Variants in PCDHGA11 observed in about 807,000 individuals in gnomAD.
The protein encoded by PCDHGA11 is protocadherin gamma-A11.
In PCDHGA11, 39 loss-of-function variants were observed where a neutral mutation model predicts 60.4. That is an observed-to-expected ratio of 0.65 (90% CI 0.50 to 0.84). The LOEUF is 0.84. Ranked by LOEUF, PCDHGA11 falls within the 40% of genes least tolerant of loss-of-function variation. The pLI, the probability that PCDHGA11 is intolerant of heterozygous loss-of-function variation, is 0.00. For synonymous variants in PCDHGA11, 533 were observed against 510.3 expected, an observed-to-expected ratio of 1.04 and a Z score of -0.60; for missense variants, 1,165 against 1,197.7, an observed-to-expected ratio of 0.97 and a Z score of 0.40.
chr5:141,430,949 GT>G (rs1391027030), intron 1 of PCDHGA11: 5 of 1,610,510 alleles, frequency 3.1e-6, no homozygotes, highest in Non-Finnish European at 4.2e-6. Flanking sequence ...GGAGCGCGGA[GT>G]CCGCATCATC....
At chr5:141,482,530 C>CAAAAAAAAAAAA (rs3074545) in intron 1 of PCDHGA11, among the ~76,000 whole-genome samples, 11 of 76,552 alleles carry the variant, frequency 1.4e-4, no homozygotes, top group African/African-American at 2.9e-4. Flanking sequence ...GACAGACATG[C>CAAAAAAAAAAAA]AAAAAAAAAA....
Position 141,423,268 on chromosome 5 carries a change from T to G in PCDHGA11, c.2041T>G (p.Ser681Ala), listed in dbSNP as rs752667215. ...CCTGGCGGACCTCGGCAGCCTCGAG[T>G]CTCTGGCTAACTCTGAAACCTCAGA... is the stretch of plus-strand genomic sequence containing the variant. ...EVLADLGSLE[S>A]LANSETSDLS... Residue 681 changes from serine to alanine, a missense_variant, in exon 1 of 4, where the codon TCT becomes GCT. By Grantham distance (99) the Ser-to-Ala change is moderately conservative. Transcript: ENST00000398587. 1 of 1,613,552 alleles carries G rather than the reference T, an allele frequency of 6.2e-7. No individual in the cohort carries two copies. The highest frequency in any genetic ancestry group is 1.1e-5 in the South Asian group (1 of 91,070).
intron 1 of PCDHGA11, among the ~76,000 whole-genome samples, chr5:141,464,022 TG>T (rs948245337): frequency 1.3e-5 from 2 of 151,716 alleles, no homozygotes; most frequent in African/African-American, 4.8e-5. Context: ...TCCCACACTT[TG>T]GGAGGCCAAG....
intron 1 of PCDHGA11, chr5:141,478,463 G>A: frequency 6.2e-7 from 1 of 1,613,424 alleles, no homozygotes; most frequent in South Asian, 1.1e-5. Context: ...CAGTCCACTG[G>A]CCAGCCGCCA....
chr5:141,465,923 C>A (rs908350232), intron 1 of PCDHGA11, among the ~76,000 whole-genome samples: 2 of 152,062 alleles, frequency 1.3e-5, no homozygotes, highest in African/African-American at 4.8e-5. Flanking sequence ...GATTTCGAGT[C>A]CATCCTGGCT....
rs370127569 is a variant in PCDHGA11 at position 141,422,859 on chromosome 5, C to T, written c.1632C>T (p.Ser544=). 1.4e-5 allele frequency: 22 copies of T among 1,614,148 alleles called. No homozygotes were observed. In the African/African-American group the frequency reaches 2.5e-4, roughly 19 times the overall value. ...GTGACAGCGGGGACCCGCCCCTCAG[C>T]AGCAACGTGTCGCTGAGCCTGTTCG... ...IARDSGDPPL[S]SNVSLSLFVL... Residue 544 remains serine, a synonymous_variant, in exon 1 of 4, where the codon AGC becomes AGT. Transcript: ENST00000398587.
intron 1 of PCDHGA11, among the ~76,000 whole-genome samples, chr5:141,467,254 T>C (rs1291193879): frequency 2.0e-5 from 3 of 152,248 alleles, no homozygotes; most frequent in Admixed American, 6.5e-5. Flanking sequence ...GGTTTCACCA[T>C]GTTGGCCAGG....
chr5:141,510,448 C>T (rs1339979584), intron 3 of PCDHGA11, among the ~76,000 whole-genome samples: 1 of 152,016 alleles, frequency 6.6e-6, no homozygotes, highest in Non-Finnish European at 1.5e-5. Context: ...TCCAGGAGCC[C>T]ATGGTCTAGT....
At chr5:141,465,144 T>A (rs965605798) in intron 1 of PCDHGA11, among the ~76,000 whole-genome samples, 4 of 152,008 alleles carry the variant, frequency 2.6e-5, no homozygotes, top group Admixed American at 6.6e-5. Flanking sequence ...TTAGGGGATA[T>A]ATGAAGGGAC....
intron 1 of PCDHGA11, chr5:141,441,470 C>G (rs1170727138): frequency 5.9e-6 from 1 of 168,868 alleles, no homozygotes; most frequent in East Asian, 1.9e-4. Context: ...ATTGGCGATG[C>G]CAACGACAAT....
chr5:141,496,888 T>TA (rs35063790), intron 2 of PCDHGA11, among the ~76,000 whole-genome samples: 34,968 of 133,936 alleles, frequency 0.26, 4,377 homozygotes, highest in Admixed American at 0.34. Flanking sequence ...AAGTAACACT[T>TA]AAAAAAAAAA....
rs776543767 is a variant in PCDHGA11 at position 141,432,028 on chromosome 5, C to G, written c.2433+8368C>G. The G allele has an allele frequency of 6.2e-7, 1 of 1,614,168 alleles. No homozygotes were observed. The highest frequency in any genetic ancestry group is 2.2e-5 in the East Asian group (1 of 44,882). On this transcript the variant is annotated intron_variant, in intron 1 of 3. Transcript: ENST00000398587. This position sits in a 1 kb window ranked among gnomAD's most constrained non-coding sequence, Gnocchi z 6.0. ...TTCCTAGCTACAACATCACAGTGAC[C>G]GCCACTGACCGGGGAACCCCGCCCC...
In PCDHGA11 at chr5:141,511,308, G is replaced by A. The variant is rs76613492; in HGVS notation, c.*135G>A. ...AGGGGCCAAGGCCATGCTCCCCTTG[G>A]GAAACAGAAACAAGTGCCCAGTCAG... is the stretch of plus-strand genomic sequence containing the variant. On this transcript the variant is annotated 3_prime_UTR_variant, in exon 4 of 4. Coordinates refer to ENST00000398587, the MANE Select transcript of PCDHGA11 (RefSeq NM_018914.3). 1.1e-3 allele frequency: 1,589 copies of A among 1,487,716 alleles called. 16 individuals carry two copies. In the African/African-American group the frequency reaches 0.021, roughly 19 times the overall value. The allele number at this position is 1,487,716 out of a possible 1,614,324, so 92.2% of individuals were successfully genotyped here.
Position 141,491,383 on chromosome 5 carries a change from A to C in PCDHGA11, c.2434-3424A>C. The C allele has an allele frequency of 6.2e-7, 1 of 1,614,036 alleles. No individual in the cohort carries two copies. The highest frequency in any genetic ancestry group is 8.5e-7 in the Non-Finnish European group (1 of 1,179,962). ...AGTCACCTTCACCTTTCTGTCAGCG[A>C]AGTGCCTTCAGGGAAACGCAGACGG... On this transcript the variant is annotated intron_variant, in intron 1 of 3. Transcript: ENST00000398587. This position sits in a 1 kb window ranked among gnomAD's most constrained non-coding sequence, Gnocchi z 6.9.
chr5:141,500,036 T>C (rs1001193977), intron 2 of PCDHGA11, among the ~76,000 whole-genome samples: 8 of 152,176 alleles, frequency 5.3e-5, no homozygotes, highest in African/African-American at 1.9e-4. Flanking sequence ...TGAGTGTCTC[T>C]TAAGTATCTT....
chr5:141,430,245 G>C (rs1000418420), intron 1 of PCDHGA11, among the ~76,000 whole-genome samples: 1 of 104,402 alleles, frequency 9.6e-6, no homozygotes, highest in African/African-American at 6.4e-5. Flanking sequence ...GAAACTCCTA[G>C]GGAGACATCT....
Position 141,431,755 on chromosome 5 carries a change from AGTCCT to A in PCDHGA11, c.2433+8097_2433+8101del. On this transcript the variant is annotated intron_variant, in intron 1 of 3. Coordinates refer to ENST00000398587, the MANE Select transcript of PCDHGA11 (RefSeq NM_018914.3). This position sits in a 1 kb window ranked among gnomAD's most constrained non-coding sequence, Gnocchi z 4.8. ...ATGCAGGATATTCTGCGCGAGCCAA[AGTCCT>A]GATCACTGTTCTGGACGTGAACGAC... 6.2e-7 allele frequency: 1 copy of A among 1,614,238 alleles called. No individual in the cohort carries two copies. Among genetic ancestry groups the A allele is most frequent in the Non-Finnish European group, 8.5e-7 (1 of 1,180,048 alleles).
intron 1 of PCDHGA11, among the ~76,000 whole-genome samples, chr5:141,450,750 G>C (rs778218781): frequency 1.1e-4 from 16 of 152,002 alleles, no homozygotes; most frequent in Admixed American, 2.0e-4. Context: ...GCCTCCCAAA[G>C]TGCCGGGATT....
intron 1 of PCDHGA11, among the ~76,000 whole-genome samples, chr5:141,458,065 G>A (rs55848374): frequency 0.098 from 14,910 of 152,232 alleles, 965 homozygotes; most frequent in Non-Finnish European, 0.14. Flanking sequence ...GCACTGATGC[G>A]AACAACTATA....
Sources: allele counts gnomAD v4.1 joint callset (sites outside exome capture counted in the v4.1 genomes callset), GRCh38; gene constraint gnomAD v4.1.1; non-coding constraint Gnocchi (gnomAD v3.1); transcripts MANE v1.5; gene names NCBI Gene and HGNC (gene_info 2026-07-23, HGNC 2026-07-21).